PRDM16: variants seen among roughly 807,000 people sequenced by gnomAD.
PRDM16 encodes the protein histone-lysine N-methyltransferase PRDM16.
PRDM16 carries 23 observed loss-of-function variants against 110.6 expected under a neutral mutation model. The ratio of observed to expected loss-of-function variants is 0.21; its 90% CI spans 0.15 to 0.29. The LOEUF (loss-of-function observed/expected upper bound fraction) is 0.29, where lower values mean the gene tolerates loss of function less well. PRDM16 is among the 10% of genes least tolerant of loss of function. The probability of loss-of-function intolerance (pLI) is 1.00; values close to 1 mark genes in which losing one functional copy is unlikely to be tolerated. For synonymous variants in PRDM16, 799 were observed against 781.8 expected (o/e 1.02, Z -0.37); for missense variants, 1,615 against 1,794.3 (o/e 0.90, Z 1.81).
Position 3,245,175 on chromosome 1 carries a change from C to G in PRDM16, c.438+1038C>G, listed in dbSNP as rs534645833. Among the ~76,000 whole-genome samples the G allele has an allele frequency of 6.6e-6, 1 of 152,240 alleles. No homozygotes were observed. Among genetic ancestry groups the G allele is most frequent in the East Asian group, 1.9e-4 (1 of 5,176 alleles). On this transcript the variant is annotated intron_variant, in intron 3 of 16. Coordinates refer to ENST00000270722, the MANE Select transcript of PRDM16 (RefSeq NM_022114.4). This position sits in a 1 kb window ranked among gnomAD's most constrained non-coding sequence, Gnocchi z 4.7. ...TTCTGTCAGAATTACAACTGGATTC[C>G]GTGACGCAGCATATGGGCTTGAGGG...
At chr1:3,316,643 C>T (rs1014138980) in intron 3 of PRDM16, among the ~76,000 whole-genome samples, 33 of 142,588 alleles carry the variant, frequency 2.3e-4, no homozygotes, top group African/African-American at 8.9e-4. Context: ...AGGCAGAAAA[C>T]AGTGACACAG....
chr1:3,196,576 C>T (rs555131736), intron 2 of PRDM16, among the ~76,000 whole-genome samples: 3 of 152,290 alleles, frequency 2.0e-5, no homozygotes, highest in East Asian at 3.9e-4. Context: ...GTGCCCGTGG[C>T]ACCAGAGAGG....
intron 1 of PRDM16, among the ~76,000 whole-genome samples, chr1:3,176,108 C>T (rs1644083713): frequency 6.6e-6 from 1 of 152,244 alleles, no homozygotes; most frequent in Non-Finnish European, 1.5e-5. Context: ...CCTACCCATC[C>T]ATTCATCCAT....
At chr1:3,075,112 G>C (rs1010357436) in intron 1 of PRDM16, among the ~76,000 whole-genome samples, 4 of 152,240 alleles carry the variant, frequency 2.6e-5, no homozygotes, top group Admixed American at 6.5e-5. Context: ...CCGCCTGGCC[G>C]GCCTAGCCTG....
At chr1:3,371,430 C>T (rs1642906965) in intron 3 of PRDM16, among the ~76,000 whole-genome samples, 1 of 151,808 alleles carries the variant, frequency 6.6e-6, no homozygotes, top group Non-Finnish European at 1.5e-5. Flanking sequence ...ATTCATCATC[C>T]ATCCATACAT....
In PRDM16 at chr1:3,437,229, C is replaced by G; in HGVS notation, c.*3418C>G. On this transcript the variant is annotated 3_prime_UTR_variant, in exon 17 of 17. Transcript: ENST00000270722. ...TTTACAAGGCCACGCGTGCAGCTGT[C>G]CCATCCAGACCCCGACTGGCCAAGA... is the stretch of plus-strand genomic sequence containing the variant. 4.3e-6 allele frequency: 1 copy of G among 232,798 alleles called. No homozygotes were observed. Among genetic ancestry groups the G allele is most frequent in the Non-Finnish European group, 8.5e-6 (1 of 117,760 alleles). 14.4% of individuals were successfully genotyped at this position (232,798 alleles called of 1,614,324 possible).
rs1640275130 is a variant in PRDM16, at chr1:3,265,864, C to T, written c.438+21727C>T. Among the ~76,000 whole-genome samples, 2 of 152,144 alleles carry T rather than the reference C, an allele frequency of 1.3e-5. No individual in the cohort carries two copies. The highest frequency in any genetic ancestry group is 4.1e-4 in the South Asian group (2 of 4,828). ...CCAGGTCCTTCGCTCTCTATGATCC[C>T]TTTACGGTCGTGCAGTGCTCCCCAG... is the stretch of plus-strand genomic sequence containing the variant. On this transcript the variant is annotated intron_variant, in intron 3 of 16. Transcript: ENST00000270722. This position sits in a 1 kb window ranked among gnomAD's most constrained non-coding sequence, Gnocchi z 4.5.
rs984632706 is a variant in PRDM16, at chr1:3,370,482, T to C, written c.439-14670T>C. 4.6e-5 allele frequency among the ~76,000 whole-genome samples: 7 copies of C among 152,156 alleles called. No homozygotes were observed. The highest frequency in any genetic ancestry group is 1.7e-4 in the African/African-American group (7 of 41,414). On this transcript the variant is annotated intron_variant, in intron 3 of 16. Transcript: ENST00000270722. The surrounding 1 kb of genome is among the most constrained non-coding windows in gnomAD (Gnocchi z 4.8). Reference sequence around the variant, plus strand: ...TCCCCAAGCATGCATTGAGCACTCATGGTTTGCCTGGCTCTGGGAATCAGC... The same window carrying C: ...TCCCCAAGCATGCATTGAGCACTCACGGTTTGCCTGGCTCTGGGAATCAGC...
intron 3 of PRDM16, among the ~76,000 whole-genome samples, chr1:3,273,523 G>A (rs1210560987): frequency 6.6e-6 from 1 of 152,112 alleles, no homozygotes; most frequent in Non-Finnish European, 1.5e-5. Flanking sequence ...ATGTCCATGT[G>A]TGTACGTGGG....
chr1:3,181,218 GCAGTCTTACACACGGTCTTACACACA>G (rs1644165884), intron 1 of PRDM16, among the ~76,000 whole-genome samples: 1 of 50,328 alleles, frequency 2.0e-5, no homozygotes, highest in South Asian at 9.6e-4. Flanking sequence ...TCTTACACAC[GCAGTCTTACACACGGTCTTACACACA>G]GTCTTACACA....
At chr1:3,098,367 G>C (rs1034950851) in intron 1 of PRDM16, among the ~76,000 whole-genome samples, 2 of 152,172 alleles carry the variant, frequency 1.3e-5, no homozygotes. Flanking sequence ...CCCACTGGGG[G>C]GTTGCGGAGT....
intron 3 of PRDM16, among the ~76,000 whole-genome samples, chr1:3,371,531 C>A (rs1409651473): frequency 6.7e-6 from 1 of 150,282 alleles, no homozygotes; most frequent in Non-Finnish European, 1.5e-5. Flanking sequence ...CACCATCTAT[C>A]CATCCATCCA....
intron 1 of PRDM16, among the ~76,000 whole-genome samples, chr1:3,098,484 C>G (rs1642458087): frequency 6.6e-6 from 1 of 152,206 alleles, no homozygotes; most frequent in African/African-American, 2.4e-5. Context: ...CCCCCAGACT[C>G]CCATCCAGCT....
chr1:3,174,504 T>C (rs1417566324), intron 1 of PRDM16, among the ~76,000 whole-genome samples: 1 of 152,180 alleles, frequency 6.6e-6, no homozygotes, highest in African/African-American at 2.4e-5. Flanking sequence ...GCCTGCTGTG[T>C]GACCTGGACA....
chr1:3,378,684 C>T (rs1420408884), intron 3 of PRDM16, among the ~76,000 whole-genome samples: 3 of 152,070 alleles, frequency 2.0e-5, no homozygotes, highest in South Asian at 2.1e-4. Context: ...GGGAGGAAGG[C>T]GAGAGAGGAC....
chr1:3,345,360 CG>C (rs1642341089), intron 3 of PRDM16, among the ~76,000 whole-genome samples: 1 of 152,170 alleles, frequency 6.6e-6, no homozygotes, highest in East Asian at 1.9e-4. Context: ...CTGTGGGAAC[CG>C]GAGGCTCCTG....
chr1:3,401,615 A>G (rs1643473215), intron 5 of PRDM16, among the ~76,000 whole-genome samples: 2 of 151,608 alleles, frequency 1.3e-5, no homozygotes, highest in South Asian at 4.2e-4. Flanking sequence ...CCAACACACA[A>G]TGTGCGTGTT....
At chr1:3,426,022 C>T (rs779395792) in intron 13 of PRDM16, 29 bp from the exon 14 acceptor site, 17 of 1,595,536 alleles carry the variant, frequency 1.1e-5, no homozygotes, top group East Asian at 2.2e-5. Flanking sequence ...AGCGAGAGGC[C>T]GCCCCCTGAT....
Position 3,435,357 on chromosome 1 carries a change from A to G in PRDM16, c.*1546A>G, listed in dbSNP as rs553895337. 23 of 230,604 alleles carry G rather than the reference A, an allele frequency of 1.0e-4. No individual in the cohort carries two copies. In the East Asian group the frequency reaches 1.4e-3, roughly 14 times the overall value. 14.3% of individuals were successfully genotyped at this position (230,604 alleles called of 1,614,324 possible). ...TCTGGTGAAGGACCAAAACCGTGTG[A>G]TAAGGTTGTGTGTCGTGTGGGAGTG... On this transcript the variant is annotated 3_prime_UTR_variant, in exon 17 of 17. Coordinates refer to ENST00000270722, the MANE Select transcript of PRDM16 (RefSeq NM_022114.4).
Sources: allele counts gnomAD v4.1 joint callset (sites outside exome capture counted in the v4.1 genomes callset), GRCh38; gene constraint gnomAD v4.1.1; non-coding constraint Gnocchi (gnomAD v3.1); transcripts MANE v1.5; gene names NCBI Gene and HGNC (gene_info 2026-07-23, HGNC 2026-07-21).